Variants in DBH observed in about 807,000 individuals in gnomAD.
DBH encodes the protein dopamine beta-hydroxylase, also known as dopamine beta-hydroxylase (dopamine beta-monooxygenase).
DBH carries 49 observed loss-of-function variants against 64.0 expected under a neutral mutation model. The observed-to-expected ratio is 0.77, with a 90% CI of 0.61 to 0.97. The LOEUF (loss-of-function observed/expected upper bound fraction) is 0.97, where lower values mean the gene tolerates loss of function less well. Ranked by LOEUF, DBH falls within the 50% of genes least tolerant of loss-of-function variation. The pLI, the probability that DBH is intolerant of heterozygous loss-of-function variation, is 0.00. For missense variants in DBH, 828 were observed against 826.6 expected (o/e 1.00, Z -0.02); for synonymous variants, 343 against 347.1 (o/e 0.99, Z 0.13).
Position 133,658,536 on chromosome 9 carries a change from A to C in DBH, c.*89A>C. 1.4e-6 allele frequency: 2 copies of C among 1,388,626 alleles called. No individual in the cohort carries two copies. The highest frequency in any genetic ancestry group is 9.6e-7 in the Non-Finnish European group (1 of 1,041,754). The allele number at this position is 1,388,626 out of a possible 1,614,324, so 86.0% of individuals were successfully genotyped here. A position where few individuals can be genotyped will look rare whatever the true frequency, so the allele number is the denominator to read the frequency against. On this transcript the variant is annotated 3_prime_UTR_variant, in exon 12 of 12. Coordinates refer to ENST00000393056, the MANE Select transcript of DBH (RefSeq NM_000787.4). ...TCTACTCTGCGACGATCCCCATGGA[A>C]CAGCCCTGCACGCCCAGGATGAAGG...
At chr9:133,653,642 T>C (rs910390492) in intron 9 of DBH, among the ~76,000 whole-genome samples, 1 of 151,836 alleles carries the variant, frequency 6.6e-6, no homozygotes, top group African/African-American at 2.4e-5. Flanking sequence ...GGTGGAGACA[T>C]GGGTGGGGGT....
rs768666999 is a variant in DBH, at chr9:133,647,859, C to T, written c.1038C>T (p.Ser346=). 1.2e-5 allele frequency: 19 copies of T among 1,614,126 alleles called. No individual in the cohort carries two copies. Among genetic ancestry groups the T allele is most frequent in the Non-Finnish European group, 1.5e-5 (18 of 1,180,056 alleles). The change falls in exon 6 of 12, where the codon TCC becomes TCT. Residue 346 remains serine (S), a synonymous_variant. Coordinates refer to ENST00000393056, the MANE Select transcript of DBH (RefSeq NM_000787.4). The part of the protein sequence containing the change: ...NPLVIEGRND[S]SGIRLYYTAK... ...ACCTTCTCCCAGGACGAAACGACTC[C>T]TCAGGCATCCGCTTGTACTACACAG...
chr9:133,652,759 C>A (rs80858), intron 8 of DBH, among the ~76,000 whole-genome samples, 181 bp from the exon 9 acceptor site: 1 of 152,226 alleles, frequency 6.6e-6, no homozygotes, highest in East Asian at 1.9e-4. Flanking sequence ...ATAACTTGCT[C>A]GGGAACACTC....
rs767299486 is a variant in DBH at position 133,651,643 on chromosome 9, C to G, written c.1201C>G (p.Pro401Ala). Residue 401 changes from proline to alanine, a missense_variant, in exon 7 of 12, where the codon CCC becomes GCC. Transcript: ENST00000393056. ...TDKCTQLALP[P>A]SGIHIFASQL... The stretch of plus-strand genomic sequence containing the variant: ...CCCCCCGACCCCACAGGCACTGCCT[C>G]CCTCCGGGATCCACATCTTCGCCTC... 1.2e-6 allele frequency: 2 copies of G among 1,613,602 alleles called. No individual in the cohort carries two copies. Among genetic ancestry groups the G allele is most frequent in the African/African-American group, 2.7e-5 (2 of 74,930 alleles).
intron 11 of DBH, among the ~76,000 whole-genome samples, chr9:133,657,654 A>AGG (rs2131296802): frequency 1.3e-5 from 2 of 152,308 alleles, no homozygotes; most frequent in South Asian, 4.1e-4. Flanking sequence ...ATAAAGCACC[A>AGG]GGGGAGGGGA....
chr9:133,642,379 A>G lies in DBH; in HGVS notation c.659A>G (p.Asn220Ser), dbSNP rs1301048120. The change falls in exon 3 of 12, where the codon AAT (asparagine) becomes AGT (serine). Residue 220 changes from asparagine to serine, a missense_variant. By Grantham distance (46) the Asn-to-Ser change is conservative. Transcript: ENST00000393056. The stretch of plus-strand genomic sequence containing the variant: ...TGCACCATGGAGGTCCAAGCTCCCA[A>G]TATCCAGATCCCCAGCCAGGAGACC... ...DACTMEVQAP[N>S]IQIPSQETTY... 3.1e-6 allele frequency: 5 copies of G among 1,614,122 alleles called. No individual in the cohort carries two copies. The highest frequency in any genetic ancestry group is 4.5e-5 in the East Asian group (2 of 44,874).
chr9:133,653,012 C>G lies in DBH; in HGVS notation c.1434+13C>G, dbSNP rs566514167. 3 of 1,605,484 alleles carry G rather than the reference C, an allele frequency of 1.9e-6. No individual in the cohort carries two copies. The highest frequency in any genetic ancestry group is 1.7e-6 in the Non-Finnish European group (2 of 1,172,480). On this transcript the variant is annotated intron_variant, in intron 9 of 11. Transcript: ENST00000393056. ...GCTGGCCACAGTGGTAAGTCACCCCCGCTTCCCCCTGCACCTGCCCAGGGC... is the reference window on the plus strand; with the variant it reads ...GCTGGCCACAGTGGTAAGTCACCCCGGCTTCCCCCTGCACCTGCCCAGGGC...
chr9:133,653,409 A>G (rs1832275241), intron 9 of DBH, among the ~76,000 whole-genome samples: 1 of 152,146 alleles, frequency 6.6e-6, no homozygotes, highest in South Asian at 2.1e-4. Context: ...ACAGGCCTGG[A>G]GCACCTGCTG....
At chr9:133,652,064 A>ATCTAATGC (rs1832256097) in intron 7 of DBH, among the ~76,000 whole-genome samples, 182 bp from the exon 8 acceptor site, 1 of 152,120 alleles carries the variant, frequency 6.6e-6, no homozygotes, top group South Asian at 2.1e-4. Flanking sequence ...TCTGGTTTGA[A>ATCTAATGC]TCTAATGCCC....
chr9:133,643,445 C>G lies in DBH; in HGVS notation c.777C>G (p.Ala259=). The G allele has an allele frequency of 6.2e-7, 1 of 1,613,978 alleles. No individual in the cohort carries two copies. The highest frequency in any genetic ancestry group is 8.5e-7 in the Non-Finnish European group (1 of 1,180,012). The change falls in exon 4 of 12, where the codon GCC becomes GCG. Residue 259 remains alanine (A), a synonymous_variant. Coordinates refer to ENST00000393056, the MANE Select transcript of DBH (RefSeq NM_000787.4). This position sits in a 1 kb window ranked among gnomAD's most constrained non-coding sequence, Gnocchi z 5.3. ...CCATCGTCACCAAGGGCAATGAGGC[C>G]CTTGTCCACCACATGGAAGTCTTCC... The part of the protein sequence containing the change: ...YEPIVTKGNE[A]LVHHMEVFQC...
chr9:133,650,052 G>C (rs1408618956), intron 6 of DBH, among the ~76,000 whole-genome samples: 5 of 152,264 alleles, frequency 3.3e-5, no homozygotes, highest in African/African-American at 1.2e-4. Flanking sequence ...GTGCCCAGAA[G>C]AGCATAGTCC....
At position 133,658,505 on chromosome 9, in the gene DBH, G is replaced by A. The variant is rs45455601; in HGVS notation, c.*58G>A. ...GTCCCTGTGGGCTCACACCGGCACT[G>A]TGCACTCTACTCTGCGACGATCCCC... On this transcript the variant is annotated 3_prime_UTR_variant, in exon 12 of 12. Coordinates refer to ENST00000393056, the MANE Select transcript of DBH (RefSeq NM_000787.4). 9.1e-4 allele frequency: 1,386 copies of A among 1,528,386 alleles called. 11 individuals carry two copies. In the African/African-American group the frequency reaches 0.018, roughly 19 times the overall value. 94.7% of individuals were successfully genotyped at this position (1,528,386 alleles called of 1,614,324 possible). A position where few individuals can be genotyped will look rare whatever the true frequency, so the allele number is the denominator to read the frequency against.
At chr9:133,650,152 C>G (rs1832226768) in intron 6 of DBH, among the ~76,000 whole-genome samples, 1 of 152,300 alleles carries the variant, frequency 6.6e-6, no homozygotes, top group African/African-American at 2.4e-5. Flanking sequence ...GCTCCCAGGC[C>G]TGGCACACAG....
At chr9:133,647,564 C>T (rs1832196366) in intron 5 of DBH, among the ~76,000 whole-genome samples, 2 of 152,242 alleles carry the variant, frequency 1.3e-5, no homozygotes, top group Non-Finnish European at 2.9e-5. Context: ...TTGATCACAT[C>T]TTTCCATAGC....
At chr9:133,657,451 GGAGAGAGGGAGAGGGA>G (rs1832344949) in intron 11 of DBH, 11 of 290,368 alleles carry the variant, frequency 3.8e-5, no homozygotes, top group South Asian at 8.0e-5. Flanking sequence ...AGGAGAGAGA[GGAGAGAGGGAGAGGGA>G]GAGAGGGAGA....
chr9:133,639,146 A>G (rs1213754723), intron 1 of DBH, among the ~76,000 whole-genome samples: 3 of 151,372 alleles, frequency 2.0e-5, no homozygotes, highest in Admixed American at 1.3e-4. Context: ...TAATTCCAGC[A>G]CTTTGGGAGG....
At position 133,647,931 on chromosome 9, in the gene DBH, G is replaced by A; in HGVS notation, c.1110G>A (p.Val370=). 3.1e-6 allele frequency: 5 copies of A among 1,614,134 alleles called. No homozygotes were observed. Among genetic ancestry groups the A allele is most frequent in the Non-Finnish European group, 4.2e-6 (5 of 1,180,034 alleles). Residue 370 remains valine (V), a synonymous_variant, in exon 6 of 12, where the codon GTG becomes GTA. Coordinates refer to ENST00000393056, the MANE Select transcript of DBH (RefSeq NM_000787.4). ...CGGGGATCATGGAGCTGGGACTGGT[G>A]TACACGCCAGTGATGGCCATTCCAC... ...FNAGIMELGL[V]YTPVMAIPPR...
intron 8 of DBH, among the ~76,000 whole-genome samples, chr9:133,652,635 T>C (rs1832264853): frequency 6.6e-6 from 1 of 152,080 alleles, no homozygotes; most frequent in Non-Finnish European, 1.5e-5. Context: ...AGCCCAGGCC[T>C]CGGTGGGGAC....
intron 6 of DBH, among the ~76,000 whole-genome samples, chr9:133,649,179 T>C (rs1220025993): frequency 6.6e-6 from 1 of 152,246 alleles, no homozygotes; most frequent in African/African-American, 2.4e-5. Flanking sequence ...TCCTGTTTTC[T>C]GTTCATTCCT....
Sources: allele counts gnomAD v4.1 joint callset (sites outside exome capture counted in the v4.1 genomes callset), GRCh38; gene constraint gnomAD v4.1.1; non-coding constraint Gnocchi (gnomAD v3.1); transcripts MANE v1.5; gene names NCBI Gene and HGNC (gene_info 2026-07-23, HGNC 2026-07-21).